Variants in SAMSN1 observed in about 807,000 individuals in gnomAD.
SAMSN1 encodes SAM domain, SH3 domain and nuclear localization signals 1.
A neutral mutation model predicts 42.0 loss-of-function variants in SAMSN1; 31 were observed. The observed-to-expected ratio is 0.74, with a 90% confidence interval of 0.55 to 1.00. The LOEUF (loss-of-function observed/expected upper bound fraction) is 1.00, where lower values mean the gene tolerates loss of function less well. Among genes scored for constraint, SAMSN1 ranks in the 50% least tolerant of loss-of-function variants. The probability of loss-of-function intolerance (pLI) is 0.00; values close to 1 mark genes in which losing one functional copy is unlikely to be tolerated. For missense variants in SAMSN1, 464 were observed against 439.4 expected, an observed-to-expected ratio of 1.06 and a Z score of -0.50; for synonymous variants, 178 against 151.9, an observed-to-expected ratio of 1.17 and a Z score of -1.26.
At chr21:14,603,549 A>C (rs1982491879) in intron 5 of SAMSN1, among the ~76,000 whole-genome samples, 1 of 152,208 alleles carries the variant, frequency 6.6e-6, no homozygotes, top group Non-Finnish European at 1.5e-5. Context: ...ACCCTGGCCT[A>C]TTATGCAGCA....
chr21:14,579,856 G>A (rs2123239843), intron 2 of SAMSN1, among the ~76,000 whole-genome samples: 1 of 152,164 alleles, frequency 6.6e-6, no homozygotes, highest in South Asian at 2.1e-4. Flanking sequence ...TTATTCATAG[G>A]AAGTATACAA....
intron 5 of SAMSN1, among the ~76,000 whole-genome samples, chr21:14,602,471 C>G (rs1421435420): frequency 1.3e-5 from 2 of 152,148 alleles, no homozygotes; most frequent in African/African-American, 4.8e-5. Context: ...TTAAACTAAG[C>G]TTTCCACCCC....
At chr21:14,525,561 A>G (rs550304630) in intron 1 of SAMSN1, among the ~76,000 whole-genome samples, 1 of 152,334 alleles carries the variant, frequency 6.6e-6, no homozygotes, top group African/African-American at 2.4e-5. Flanking sequence ...AAAAACATCA[A>G]AAGACAACTG....
intron 6 of SAMSN1, 35 bp downstream of exon 6, chr21:14,500,494 G>C (rs546645593): frequency 6.4e-7 from 1 of 1,569,186 alleles, no homozygotes; most frequent in Non-Finnish European, 8.8e-7. Flanking sequence ...CCATTTACAT[G>C]CTTCCAAAAG....
At chr21:14,618,915 G>A (rs1046578871) in intron 2 of SAMSN1, among the ~76,000 whole-genome samples, 2 of 152,052 alleles carry the variant, frequency 1.3e-5, no homozygotes, top group Non-Finnish European at 2.9e-5. Flanking sequence ...GGAATGTGTG[G>A]CTTAATTTTA....
At chr21:14,489,840 C>T (rs551536431) in intron 7 of SAMSN1, among the ~76,000 whole-genome samples, 3 of 151,988 alleles carry the variant, frequency 2.0e-5, no homozygotes, top group South Asian at 2.1e-4. Flanking sequence ...AGGGTGGCAT[C>T]GTGATGAAAA....
chr21:14,624,096 A>G (rs1011455565), intron 2 of SAMSN1, among the ~76,000 whole-genome samples: 1 of 152,232 alleles, frequency 6.6e-6, no homozygotes, highest in African/African-American at 2.4e-5. Context: ...AAGACACAAC[A>G]TACCAGAATC....
At position 14,485,849 on chromosome 21, in the gene SAMSN1, C is replaced by T. The variant is rs753695545; in HGVS notation, c.*63G>A. On this transcript the variant is annotated 3_prime_UTR_variant, in exon 8 of 8. Transcript: ENST00000400566. Reference sequence around the variant, plus strand: ...TATCTTATCTTCCTCTCCTATTTGACGTTTTAGCTCAAGAAGAGTTAAAAT... The same window carrying T: ...TATCTTATCTTCCTCTCCTATTTGATGTTTTAGCTCAAGAAGAGTTAAAAT... 4.1e-5 allele frequency: 51 copies of T among 1,233,612 alleles called. No individual in the cohort carries two copies. Among genetic ancestry groups the T allele is most frequent in the Middle Eastern group, 4.9e-4 (2 of 4,122 alleles). 76.4% of individuals were successfully genotyped at this position (1,233,612 alleles called of 1,614,324 possible). A position where few individuals can be genotyped will look rare whatever the true frequency, so the allele number is the denominator to read the frequency against.
At chr21:14,654,816 C>T (rs1310872556) in intron 1 of SAMSN1, among the ~76,000 whole-genome samples, 1 of 151,368 alleles carries the variant, frequency 6.6e-6, no homozygotes, top group Non-Finnish European at 1.5e-5. Context: ...GATTTTTTGC[C>T]TCACTAGTAG....
intron 1 of SAMSN1, among the ~76,000 whole-genome samples, chr21:14,649,117 G>C (rs913484955): frequency 6.6e-6 from 1 of 152,160 alleles, no homozygotes. Flanking sequence ...CATGTCCTTT[G>C]TAGGGACATG....
At chr21:14,524,582 G>A (rs1978715029) in intron 1 of SAMSN1, among the ~76,000 whole-genome samples, 1 of 152,034 alleles carries the variant, frequency 6.6e-6, no homozygotes, top group South Asian at 2.1e-4. Context: ...ATATACATTT[G>A]CCCTTTGTCC....
At chr21:14,490,980 C>G (rs753862148) in intron 7 of SAMSN1, among the ~76,000 whole-genome samples, 12 of 152,212 alleles carry the variant, frequency 7.9e-5, no homozygotes, top group Non-Finnish European at 1.8e-4. Context: ...CAACCATACA[C>G]CATATGGAGG....
At chr21:14,601,997 A>G in intron 6 of SAMSN1, 1 of 672,870 alleles carries the variant, frequency 1.5e-6, no homozygotes, top group Non-Finnish European at 2.8e-6. Context: ...TTCACAAAAC[A>G]CGCAAATGCT....
intron 2 of SAMSN1, among the ~76,000 whole-genome samples, chr21:14,642,149 G>A (rs776404958): frequency 5.3e-5 from 8 of 152,118 alleles, no homozygotes; most frequent in Admixed American, 3.3e-4. Context: ...CAGTTGTGGC[G>A]AAAGAAAATC....
chr21:14,536,969 T>C lies in SAMSN1; in HGVS notation c.57+9236A>G, dbSNP rs146909592. On this transcript the variant is annotated intron_variant, in intron 1 of 7. Coordinates refer to ENST00000400566, the MANE Select transcript of SAMSN1 (RefSeq NM_022136.5). ...CGTTCCTTTGTCTGAACCACAGTTA[T>C]CCCTTGCCTGGTTTCTGCAATAGTC... 2.5e-3 allele frequency among the ~76,000 whole-genome samples: 379 copies of C among 152,328 alleles called. 1 individual carries two copies. Among genetic ancestry groups the C allele is most frequent in the African/African-American group, 8.7e-3 (363 of 41,580 alleles).
At chr21:14,625,560 C>A (rs1353455667) in intron 2 of SAMSN1, among the ~76,000 whole-genome samples, 1 of 152,160 alleles carries the variant, frequency 6.6e-6, no homozygotes, top group East Asian at 1.9e-4. Context: ...ACCTAGGAAT[C>A]CAACTTACCA....
At chr21:14,512,598 G>A (rs1289091543) in intron 3 of SAMSN1, 25 bp from the exon 4 acceptor site, 2 of 1,611,614 alleles carry the variant, frequency 1.2e-6, no homozygotes, top group African/African-American at 2.7e-5. Context: ...TCAGAGGTTA[G>A]GTACAGAGAG....
At chr21:14,535,915 G>T (rs1272240668) in intron 1 of SAMSN1, among the ~76,000 whole-genome samples, 1 of 152,190 alleles carries the variant, frequency 6.6e-6, no homozygotes, top group Non-Finnish European at 1.5e-5. Flanking sequence ...TGTTATGGCA[G>T]CTCTAGCAAA....
chr21:14,499,248 A>T (rs1008564905), intron 6 of SAMSN1, among the ~76,000 whole-genome samples: 1 of 152,148 alleles, frequency 6.6e-6, no homozygotes, highest in African/African-American at 2.4e-5. Flanking sequence ...CATTTGAATC[A>T]ATATGTATTA....
Sources: allele counts gnomAD v4.1 joint callset (sites outside exome capture counted in the v4.1 genomes callset), GRCh38; gene constraint gnomAD v4.1.1; transcripts MANE v1.5; gene names NCBI Gene and HGNC (gene_info 2026-07-23, HGNC 2026-07-21).